The following ZFYVE28 variants were observed in gnomAD, a reference collection of about 807,000 sequenced individuals.
ZFYVE28 encodes lateral signaling target protein 2 homolog.
Under a neutral mutation model 82.1 loss-of-function variants are expected in ZFYVE28, and 40 were observed. The observed-to-expected ratio is 0.49, with a 90% confidence interval of 0.38 to 0.63. The LOEUF (loss-of-function observed/expected upper bound fraction) is 0.63. ZFYVE28 is among the 30% of genes least tolerant of loss of function. The pLI is 0.00. For missense variants in ZFYVE28, 1,321 were observed against 1,242.1 expected, an observed-to-expected ratio of 1.06 and a Z score of -0.96; for synonymous variants, 612 against 546.1, an observed-to-expected ratio of 1.12 and a Z score of -1.68.
intron 1 of ZFYVE28, among the ~76,000 whole-genome samples, chr4:2,373,890 C>T (rs1387846892): frequency 6.6e-6 from 1 of 152,206 alleles, no homozygotes; most frequent in Admixed American, 6.5e-5. Flanking sequence ...GATTCCTGCC[C>T]AGGCCCTCCC....
Position 2,391,154 on chromosome 4 carries a change from TG to T in ZFYVE28, c.39+27130del, listed in dbSNP as rs540422707. Among the ~76,000 whole-genome samples the T allele has an allele frequency of 2.0e-5, 3 of 152,246 alleles. No homozygotes were observed. The South Asian group carries it at 6.2e-4, about 32-fold the overall frequency. On this transcript the variant is annotated intron_variant, in intron 1 of 12. Transcript: ENST00000290974. ...GCCGCAGCCCTCCCTCTGTGTTTCC[TG>T]ATTTTCCCAGGTGCTCTCTCTCCCC... is the stretch of plus-strand genomic sequence containing the variant.
Position 2,418,360 on chromosome 4 carries a change from C to A in ZFYVE28, c.-37G>T. ...CCCTGGCCGGACTCCGGGCGGCCCT[C>A]GCCCTCCGCAGCGCTGCGCCCGGGC... On this transcript the variant is annotated 5_prime_UTR_variant, in exon 1 of 13. Transcript: ENST00000290974. The surrounding 1 kb of genome is among the most constrained non-coding windows in gnomAD (Gnocchi z 4.6). The A allele has an allele frequency of 6.9e-7, 1 of 1,456,378 alleles. No individual in the cohort carries two copies. The highest frequency in any genetic ancestry group is 9.1e-7 in the Non-Finnish European group (1 of 1,097,356). The allele number at this position is 1,456,378 out of a possible 1,614,324, so 90.2% of individuals were successfully genotyped here.
intron 8 of ZFYVE28, among the ~76,000 whole-genome samples, chr4:2,284,381 C>T (rs1712413388): frequency 6.6e-6 from 1 of 152,224 alleles, no homozygotes; most frequent in South Asian, 2.1e-4. Context: ...GCCACCGTGG[C>T]TCGCCTGGGG....
intron 1 of ZFYVE28, among the ~76,000 whole-genome samples, chr4:2,398,596 GAC>G (rs1730740282): frequency 6.6e-6 from 1 of 151,080 alleles, no homozygotes; most frequent in Non-Finnish European, 1.5e-5. Context: ...ACAAGGTGGA[GAC>G]CGAGATCCAG....
intron 6 of ZFYVE28, among the ~76,000 whole-genome samples, chr4:2,322,360 T>C (rs1176691556): frequency 6.6e-6 from 1 of 152,096 alleles, no homozygotes; most frequent in East Asian, 1.9e-4. Context: ...CCGCTGCCCA[T>C]GGCTACAGCC....
chr4:2,339,726 A>G lies in ZFYVE28; in HGVS notation c.319-71T>C. ...GCTCTCAGGGGTCGCCGACCCGGGG[A>G]ACCTGACTGCGCACCTCGGGGCCCC... On this transcript the variant is annotated intron_variant, in intron 3 of 12. Transcript: ENST00000290974. The surrounding 1 kb of genome is among the most constrained non-coding windows in gnomAD (Gnocchi z 5.0). The G allele has an allele frequency of 6.9e-7, 1 of 1,444,358 alleles. No homozygotes were observed. The highest frequency in any genetic ancestry group is 9.3e-7 in the Non-Finnish European group (1 of 1,080,504). 89.5% of individuals were successfully genotyped at this position (1,444,358 alleles called of 1,614,324 possible). A position where few individuals can be genotyped will look rare whatever the true frequency, so the allele number is the denominator to read the frequency against.
At chr4:2,331,213 C>T (rs1259027729) in intron 6 of ZFYVE28, among the ~76,000 whole-genome samples, 1 of 151,790 alleles carries the variant, frequency 6.6e-6, no homozygotes, top group African/African-American at 2.4e-5. Context: ...GTCTGGGAAG[C>T]GTCGCACACA....
chr4:2,273,323 A>C (rs1295793267), intron 9 of ZFYVE28, 34 bp from the exon 10 acceptor site: 1 of 1,584,878 alleles, frequency 6.3e-7, no homozygotes, highest in Admixed American at 1.7e-5. Flanking sequence ...CCACGACAGA[A>C]GGACGGATGG....
At chr4:2,347,129 G>A (rs1723712162) in intron 2 of ZFYVE28, among the ~76,000 whole-genome samples, 1 of 152,176 alleles carries the variant, frequency 6.6e-6, no homozygotes, top group Non-Finnish European at 1.5e-5. Context: ...GAAAGCTGGA[G>A]TGGCTACATG....
At position 2,275,778 on chromosome 4, in the gene ZFYVE28, G is replaced by T. The variant is rs555607371; in HGVS notation, c.2052-1562C>A. On this transcript the variant is annotated intron_variant, in intron 8 of 12. Coordinates refer to ENST00000290974, the MANE Select transcript of ZFYVE28 (RefSeq NM_020972.3). Reference sequence around the variant, plus strand: ...CAGGGCTGTCTACACTCTGGAGCCCGGTGGCCTCTGTTGCCGGCATACACT... The same window carrying T: ...CAGGGCTGTCTACACTCTGGAGCCCTGTGGCCTCTGTTGCCGGCATACACT... Among the ~76,000 whole-genome samples the T allele has an allele frequency of 3.9e-5, 6 of 152,236 alleles. No homozygotes were observed. The East Asian group carries it at 9.6e-4, about 24-fold the overall frequency.
At chr4:2,377,276 C>T (rs1174626643) in intron 1 of ZFYVE28, among the ~76,000 whole-genome samples, 1 of 149,600 alleles carries the variant, frequency 6.7e-6, no homozygotes, top group Non-Finnish European at 1.5e-5. Flanking sequence ...CCGCCTCGGC[C>T]TCCCAAAGTG....
rs1222511425 is a variant in ZFYVE28, at chr4:2,409,005, T to G, written c.39+9280A>C. 2.6e-5 allele frequency among the ~76,000 whole-genome samples: 4 copies of G among 152,200 alleles called. No individual in the cohort carries two copies. In the East Asian group the frequency reaches 7.7e-4, roughly 29 times the overall value. Reference sequence around the variant, plus strand: ...AGCTCAGTACTTTTAAAAATGTTTTTGTGATTTTATCCAACATGCCTGGGC... The same window carrying G: ...AGCTCAGTACTTTTAAAAATGTTTTGGTGATTTTATCCAACATGCCTGGGC... On this transcript the variant is annotated intron_variant, in intron 1 of 12. Coordinates refer to ENST00000290974, the MANE Select transcript of ZFYVE28 (RefSeq NM_020972.3). This position sits in a 1 kb window ranked among gnomAD's most constrained non-coding sequence, Gnocchi z 4.4.
intron 7 of ZFYVE28, among the ~76,000 whole-genome samples, chr4:2,308,654 A>AAAGAAAGAAAGAAAGAAAGG (rs1716980846): frequency 7.8e-6 from 1 of 127,496 alleles, no homozygotes; most frequent in African/African-American, 3.2e-5. Flanking sequence ...AGAAAGAAAG[A>AAAGAAAGAAAGAAAGAAAGG]AAGAAAGAAA....
At chr4:2,311,540 C>A (rs903105602) in intron 7 of ZFYVE28, among the ~76,000 whole-genome samples, 8 of 151,990 alleles carry the variant, frequency 5.3e-5, no homozygotes, top group Admixed American at 1.3e-4. Context: ...AAACAAAAAA[C>A]CTAACTTTTG....
chr4:2,362,463 A>C lies in ZFYVE28; in HGVS notation c.40-8390T>G, dbSNP rs368283218. Among the ~76,000 whole-genome samples, 1 of 151,828 alleles carries C rather than the reference A, an allele frequency of 6.6e-6. No homozygotes were observed. Among genetic ancestry groups the C allele is most frequent in the Non-Finnish European group, 1.5e-5 (1 of 67,964 alleles). On this transcript the variant is annotated intron_variant, in intron 1 of 12. Coordinates refer to ENST00000290974, the MANE Select transcript of ZFYVE28 (RefSeq NM_020972.3). The surrounding 1 kb of genome is among the most constrained non-coding windows in gnomAD (Gnocchi z 5.1). ...GAGCAAGCCCCTCCACCCCTCCACC[A>C]CTGGGGCTAGAATTGTTCACTGCTG... is the stretch of plus-strand genomic sequence containing the variant.
intron 1 of ZFYVE28, among the ~76,000 whole-genome samples, chr4:2,387,142 C>A (rs919980390): frequency 6.6e-6 from 1 of 152,222 alleles, no homozygotes; most frequent in African/African-American, 2.4e-5. Flanking sequence ...CGTTTGCCTG[C>A]AGGAGGAGGC....
intron 10 of ZFYVE28, among the ~76,000 whole-genome samples, chr4:2,272,689 T>C (rs1006117661): frequency 5.8e-4 from 88 of 152,250 alleles, no homozygotes; most frequent in African/African-American, 1.9e-3. Flanking sequence ...TCCACCCCCA[T>C]AGAGAGGCGG....
rs150731558 is a variant in ZFYVE28 at position 2,358,389 on chromosome 4, G to A, written c.40-4316C>T. Among the ~76,000 whole-genome samples the A allele has an allele frequency of 5.6e-3, 848 of 152,320 alleles. 8 individuals are homozygous for A. The highest frequency in any genetic ancestry group is 7.1e-3 in the South Asian group (34 of 4,822). ...ACTTGGCAGGGAAAATGCTAGAAACGGGCGCTCATCACCAAAATAAAAGGC... is the reference window on the plus strand; with the variant it reads ...ACTTGGCAGGGAAAATGCTAGAAACAGGCGCTCATCACCAAAATAAAAGGC... On this transcript the variant is annotated intron_variant, in intron 1 of 12. Transcript: ENST00000290974.
Position 2,377,219 on chromosome 4 carries a change from T to C in ZFYVE28, c.40-23146A>G, listed in dbSNP as rs562975196. Among the ~76,000 whole-genome samples the C allele has an allele frequency of 4.4e-3, 666 of 152,104 alleles. 6 individuals are homozygous for C. The highest frequency in any genetic ancestry group is 0.014 in the African/African-American group (601 of 41,524). ...TGTATTTTTAGTACAGACAGGGTTTTGCCGTGTTAGCCAGGATGGTCTCGA... is the reference window on the plus strand; with the variant it reads ...TGTATTTTTAGTACAGACAGGGTTTCGCCGTGTTAGCCAGGATGGTCTCGA... On this transcript the variant is annotated intron_variant, in intron 1 of 12. Transcript: ENST00000290974.
Sources: gnomAD v4.1 joint callset for allele counts (sites outside exome capture counted in the v4.1 genomes callset) on GRCh38, gnomAD v4.1.1 for gene constraint, Gnocchi (gnomAD v3.1) non-coding constraint, MANE v1.5 for transcripts, NCBI Gene and HGNC (gene_info 2026-07-23, HGNC 2026-07-21) for gene names.